Variants in MME observed in about 807,000 individuals in gnomAD.
The protein encoded by MME is neprilysin.
In MME, 98 loss-of-function variants were observed where a neutral mutation model predicts 113.2. That is an observed-to-expected ratio of 0.87 (90% CI 0.74 to 1.02). MME has a LOEUF of 1.02. MME is among the 50% of genes least tolerant of loss of function. The pLI is 0.00. For synonymous variants in MME, 292 were observed against 300.6 expected, an observed-to-expected ratio of 0.97 and a Z score of 0.30; for missense variants, 836 against 896.0, an observed-to-expected ratio of 0.93 and a Z score of 0.86.
chr3:155,055,647 A>G (rs1270269253), intron 1 of MME, among the ~76,000 whole-genome samples: 1 of 152,122 alleles, frequency 6.6e-6, no homozygotes, highest in African/African-American at 2.4e-5. Context: ...AAATTTCAAA[A>G]CCAGGCAGAA....
At chr3:155,035,243 C>T (rs1576661998) in intron 1 of MME, among the ~76,000 whole-genome samples, 1 of 146,356 alleles carries the variant, frequency 6.8e-6, no homozygotes, top group East Asian at 2.0e-4. Flanking sequence ...ATTAATAATA[C>T]TATAATGTCT....
In MME at chr3:155,180,518, A is replaced by G. The variant is rs1712989011; in HGVS notation, c.*59A>G. On this transcript the variant is annotated 3_prime_UTR_variant, in exon 23 of 23. Transcript: ENST00000360490. ...CTTGCCAACACCACAGAAATGGGGA[A>G]TTCTCTAATCGAAAGAAAATGGGCC... The G allele has an allele frequency of 2.2e-6, 3 of 1,353,106 alleles. No homozygotes were observed. Among genetic ancestry groups the G allele is most frequent in the African/African-American group, 2.9e-5 (2 of 69,740 alleles). 83.8% of individuals were successfully genotyped at this position (1,353,106 alleles called of 1,614,324 possible).
At chr3:155,161,568 C>T (rs1301276896) in intron 17 of MME, among the ~76,000 whole-genome samples, 3 of 151,912 alleles carry the variant, frequency 2.0e-5, no homozygotes, top group African/African-American at 7.2e-5. Flanking sequence ...TACCTTTCCC[C>T]GTTGCTTTCA....
rs1712032164 is a variant in MME, at chr3:155,172,111, G to A, written c.1981-6G>A. ...TTATTGTTTTTCTATTTTATCAACT[G>A]CCTAGGCCTATCAGAATTATATTAA... On this transcript the variant is annotated splice_polypyrimidine_tract_variant and splice_region_variant and intron_variant, in intron 20 of 22. Coordinates refer to ENST00000360490, the MANE Select transcript of MME (RefSeq NM_007289.4). 3.3e-6 allele frequency: 5 copies of A among 1,534,694 alleles called. No homozygotes were observed. The highest frequency in any genetic ancestry group is 1.4e-5 in the African/African-American group (1 of 73,246).
At chr3:155,076,443 T>C, upstream of MME, among the ~76,000 whole-genome samples, 1 of 152,188 alleles carries the variant, frequency 6.6e-6, no homozygotes, top group East Asian at 1.9e-4. Context: ...TGAGGCCTCT[T>C]GAAATGGATA....
At position 155,181,166 on chromosome 3, in the gene MME, G is replaced by A. The variant is rs1050067679; in HGVS notation, c.*707G>A. On this transcript the variant is annotated 3_prime_UTR_variant, in exon 23 of 23. Transcript: ENST00000360490. The stretch of plus-strand genomic sequence containing the variant: ...TTCTTGCTCTATCTCTCAAAACTTG[G>A]TATTTTTCAGAGATTTATATAAATG... 3 of 151,634 alleles carry A rather than the reference G, an allele frequency of 2.0e-5. No homozygotes were observed. 9.4% of individuals were successfully genotyped at this position (151,634 alleles called of 1,614,324 possible).
At chr3:155,171,228 G>T (rs144641381) in intron 20 of MME, among the ~76,000 whole-genome samples, 1 of 152,116 alleles carries the variant, frequency 6.6e-6, no homozygotes, top group African/African-American at 2.4e-5. Flanking sequence ...AATTCTTAAC[G>T]TGTAATGCCT....
At chr3:155,157,080 G>T (rs1250986036) in intron 16 of MME, among the ~76,000 whole-genome samples, 1 of 152,048 alleles carries the variant, frequency 6.6e-6, no homozygotes, top group Admixed American at 6.6e-5. Flanking sequence ...GTATATTTCA[G>T]TTCTATTCCC....
At chr3:155,059,472 A>G in intron 1 of MME, among the ~76,000 whole-genome samples, 1 of 152,170 alleles carries the variant, frequency 6.6e-6, no homozygotes, top group Admixed American at 6.5e-5. Context: ...CATCTTACAG[A>G]TAAGAAAACT....
intron 8 of MME, among the ~76,000 whole-genome samples, chr3:155,125,876 G>A (rs553231694): frequency 1.3e-5 from 2 of 152,248 alleles, no homozygotes; most frequent in Admixed American, 6.5e-5. Context: ...TAATTATTTT[G>A]TAGCTCAAAA....
intron 8 of MME, 21 bp downstream of exon 8, chr3:155,118,832 C>A: frequency 5.0e-6 from 7 of 1,410,096 alleles, no homozygotes; most frequent in South Asian, 1.2e-5. Flanking sequence ...AAAAAATAAT[C>A]AAAACCAAAC....
intron 1 of MME, among the ~76,000 whole-genome samples, chr3:155,065,957 C>G (rs887751257): frequency 6.6e-6 from 1 of 152,172 alleles, no homozygotes; most frequent in Admixed American, 6.5e-5. Context: ...CATGAACTGC[C>G]TTTCAGGGTG....
intron 3 of MME, among the ~76,000 whole-genome samples, chr3:155,093,203 T>C (rs1365782364): frequency 6.6e-6 from 1 of 152,096 alleles, no homozygotes; most frequent in African/African-American, 2.4e-5. Context: ...AATGATTATA[T>C]GTAGTTTTCA....
At chr3:155,090,264 T>A (rs1190790131) in intron 3 of MME, 1 of 152,410 alleles carries the variant, frequency 6.6e-6, no homozygotes, top group East Asian at 1.9e-4. Flanking sequence ...ATTACTTAAT[T>A]ATTAATACAA....
intron 20 of MME, among the ~76,000 whole-genome samples, chr3:155,170,338 C>A (rs1177586060): frequency 2.0e-5 from 3 of 152,200 alleles, no homozygotes; most frequent in Non-Finnish European, 4.4e-5. Flanking sequence ...AGCCACTGTG[C>A]CTGACCGCAT....
chr3:155,173,583 C>T (rs1396725561), intron 22 of MME, among the ~76,000 whole-genome samples: 1 of 151,648 alleles, frequency 6.6e-6, no homozygotes, highest in African/African-American at 2.4e-5. Context: ...TCATCATCAT[C>T]ATCATCATCA....
At chr3:155,173,987 C>T (rs980906340) in intron 22 of MME, among the ~76,000 whole-genome samples, 1 of 151,808 alleles carries the variant, frequency 6.6e-6, no homozygotes, top group South Asian at 2.1e-4. Flanking sequence ...AAATGAAGAG[C>T]CTATTTTGTG....
At chr3:155,135,805 C>A (rs1463557241) in intron 8 of MME, among the ~76,000 whole-genome samples, 1 of 152,094 alleles carries the variant, frequency 6.6e-6, no homozygotes, top group Non-Finnish European at 1.5e-5. Context: ...TCTATGATTT[C>A]TTTCAGCAAT....
At chr3:155,029,014 A>C (rs1256942970) in intron 1 of MME, among the ~76,000 whole-genome samples, 1 of 152,218 alleles carries the variant, frequency 6.6e-6, no homozygotes. Flanking sequence ...GGTTTCACAA[A>C]AAGCAAAAAC....
Sources: gnomAD v4.1 joint callset for allele counts (sites outside exome capture counted in the v4.1 genomes callset) on GRCh38, gnomAD v4.1.1 for gene constraint, MANE v1.5 for transcripts, NCBI Gene and HGNC (gene_info 2026-07-23, HGNC 2026-07-21) for gene names.